The following AGAP1 variants were observed in gnomAD, a reference collection of about 807,000 sequenced individuals.
AGAP1 encodes arf-GAP with GTPase, ANK repeat and PH domain-containing protein 1.
Under a neutral mutation model 105.3 loss-of-function variants are expected in AGAP1, and 29 were observed. That is an observed-to-expected ratio of 0.28 (90% CI 0.21 to 0.38). AGAP1 has a LOEUF of 0.38. Among genes scored for constraint, AGAP1 ranks in the 10% least tolerant of loss-of-function variants. AGAP1 has a pLI of 1.00. For missense variants in AGAP1, 998 were observed against 1,165.1 expected (o/e 0.86, Z 2.09); for synonymous variants, 509 against 485.9 (o/e 1.05, Z -0.63).
At position 235,753,580 on chromosome 2, in the gene AGAP1, C is replaced by T. The variant is rs530047907; in HGVS notation, c.673+3092C>T. 6.6e-4 allele frequency among the ~76,000 whole-genome samples: 101 copies of T among 152,138 alleles called. No homozygotes were observed. Among genetic ancestry groups the T allele is most frequent in the African/African-American group, 2.3e-3 (97 of 41,520 alleles). ...AATTAGCCGGGCATGGTGGCAGGCA[C>T]CTGTAATCCCAGCTACTCAGGAAGC... On this transcript the variant is annotated intron_variant, in intron 6 of 17. Coordinates refer to ENST00000304032, the MANE Select transcript of AGAP1 (RefSeq NM_001037131.3). The surrounding 1 kb of genome is among the most constrained non-coding windows in gnomAD (Gnocchi z 4.5).
rs531131249 is a variant in AGAP1 at position 236,029,492 on chromosome 2, G to T, written c.1646-7069G>T. ...GTAGAGATGGGGTTTTGCCATGTTG[G>T]CCAGGCAGGTCTTGAACTCCTGACC... On this transcript the variant is annotated intron_variant, in intron 13 of 17. Coordinates refer to ENST00000304032, the MANE Select transcript of AGAP1 (RefSeq NM_001037131.3). Among the ~76,000 whole-genome samples, 518 of 150,956 alleles carry T rather than the reference G, an allele frequency of 3.4e-3. 10 individuals are homozygous for T. In the South Asian group the frequency reaches 0.048, roughly 14 times the overall value.
intron 16 of AGAP1, among the ~76,000 whole-genome samples, chr2:236,067,049 C>G (rs771735470): frequency 4.6e-5 from 7 of 151,772 alleles, no homozygotes; most frequent in Non-Finnish European, 7.4e-5. Flanking sequence ...ATCACTGAGA[C>G]CTAAGAGTTT....
At chr2:235,579,975 A>G (rs1391896862) in intron 1 of AGAP1, among the ~76,000 whole-genome samples, 1 of 152,030 alleles carries the variant, frequency 6.6e-6, no homozygotes, top group African/African-American at 2.4e-5. Flanking sequence ...CATTCTGGAC[A>G]TTTCATATAA....
intron 11 of AGAP1, among the ~76,000 whole-genome samples, chr2:235,923,881 GA>G (rs918681724): frequency 3.0e-4 from 45 of 151,532 alleles, no homozygotes; most frequent in South Asian, 1.7e-3. Context: ...CTTAAAGGAG[GA>G]AAAAAAAAGA....
chr2:236,084,224 G>A lies in AGAP1; in HGVS notation c.2114+34943G>A, dbSNP rs543170185. On this transcript the variant is annotated intron_variant, in intron 16 of 17. Coordinates refer to ENST00000304032, the MANE Select transcript of AGAP1 (RefSeq NM_001037131.3). The stretch of plus-strand genomic sequence containing the variant: ...CTTTAGTTGTGCCTTCCTGAAGGGC[G>A]GGGGGGGGTCTCTGCGGCCACCTTA... 5.1e-5 allele frequency among the ~76,000 whole-genome samples: 7 copies of A among 136,154 alleles called. No homozygotes were observed. In the East Asian group the frequency reaches 5.9e-4, roughly 11 times the overall value. 89.3% of individuals were successfully genotyped at this position (136,154 alleles called of 152,430 possible).
At chr2:235,766,621 G>C (rs1180593428) in intron 6 of AGAP1, among the ~76,000 whole-genome samples, 1 of 152,208 alleles carries the variant, frequency 6.6e-6, no homozygotes, top group East Asian at 1.9e-4. Context: ...CAATTAAAAA[G>C]ATGAAATGTT....
At chr2:235,501,742 T>C (rs1228910036) in intron 1 of AGAP1, among the ~76,000 whole-genome samples, 1 of 152,202 alleles carries the variant, frequency 6.6e-6, no homozygotes, top group Non-Finnish European at 1.5e-5. Context: ...TTTCGTCTTA[T>C]GTTTCTCTAC....
At chr2:235,765,382 A>G (rs1404205230) in intron 6 of AGAP1, among the ~76,000 whole-genome samples, 1 of 151,980 alleles carries the variant, frequency 6.6e-6, no homozygotes, top group Non-Finnish European at 1.5e-5. Flanking sequence ...CATGGGTGGT[A>G]GTCTCACGCT....
chr2:235,778,515 C>G (rs1956053482), intron 6 of AGAP1, among the ~76,000 whole-genome samples: 3 of 151,940 alleles, frequency 2.0e-5, no homozygotes, highest in South Asian at 2.1e-4. Context: ...GCCCCTCACT[C>G]ACTCGCTCCT....
At chr2:235,679,701 C>G (rs1180668812) in intron 1 of AGAP1, among the ~76,000 whole-genome samples, 1 of 152,218 alleles carries the variant, frequency 6.6e-6, no homozygotes, top group African/African-American at 2.4e-5. Context: ...CTTTCCTAAT[C>G]CCTGCTGTGC....
chr2:235,504,171 C>A (rs1353400239), intron 1 of AGAP1, among the ~76,000 whole-genome samples: 3 of 151,980 alleles, frequency 2.0e-5, no homozygotes, highest in Non-Finnish European at 4.4e-5. Context: ...TGACACATAA[C>A]AGAGAAAGGT....
In AGAP1 at chr2:235,864,526, C is replaced by T. The variant is rs549085431; in HGVS notation, c.1051-18819C>T. 5.3e-5 allele frequency among the ~76,000 whole-genome samples: 8 copies of T among 152,162 alleles called. No homozygotes were observed. The highest frequency in any genetic ancestry group is 3.9e-4 in the Admixed American group (6 of 15,282). On this transcript the variant is annotated intron_variant, in intron 9 of 17. Coordinates refer to ENST00000304032, the MANE Select transcript of AGAP1 (RefSeq NM_001037131.3). The surrounding 1 kb of genome is among the most constrained non-coding windows in gnomAD (Gnocchi z 5.0). ...GCGTTTCCGCTCCACTGCGCGGCCC[C>T]GGAGCCCCCAAACGCAGGTCAGCAT...
In AGAP1 at chr2:235,494,626, G is replaced by A; in HGVS notation, c.-61G>A. The A allele has an allele frequency of 8.5e-6, 8 of 936,844 alleles. No individual in the cohort carries two copies. The highest frequency in any genetic ancestry group is 1.0e-5 in the Non-Finnish European group (8 of 790,548). The allele number at this position is 936,844 out of a possible 1,614,324, so 58.0% of individuals were successfully genotyped here. A position where few individuals can be genotyped will look rare whatever the true frequency, so the allele number is the denominator to read the frequency against. Reference sequence around the variant, plus strand: ...GCGCCCCGGGCTCGGCGGCCCGCGGGCCCCGGGGCGCGGGGCGGCGGCGGC... The same window carrying A: ...GCGCCCCGGGCTCGGCGGCCCGCGGACCCCGGGGCGCGGGGCGGCGGCGGC... On this transcript the variant is annotated 5_prime_UTR_variant, in exon 1 of 18. Coordinates refer to ENST00000304032, the MANE Select transcript of AGAP1 (RefSeq NM_001037131.3).
intron 1 of AGAP1, among the ~76,000 whole-genome samples, chr2:235,502,059 T>G (rs960348707): frequency 1.3e-5 from 2 of 152,182 alleles, no homozygotes; most frequent in Non-Finnish European, 2.9e-5. Flanking sequence ...AGCTCTGTGC[T>G]TCTGAGGGGC....
In AGAP1 at chr2:235,930,267, A is replaced by G. The variant is rs1490607119; in HGVS notation, c.1325-498A>G. Among the ~76,000 whole-genome samples, 1 of 151,672 alleles carries G rather than the reference A, an allele frequency of 6.6e-6. No homozygotes were observed. Among genetic ancestry groups the G allele is most frequent in the Non-Finnish European group, 1.5e-5 (1 of 67,706 alleles). ...CATTTCCTCCGTGTCGTGTCTAGGG[A>G]CTTTGATTTGTGTTGATCATAAAGT... On this transcript the variant is annotated intron_variant, in intron 11 of 17. Transcript: ENST00000304032. The surrounding 1 kb of genome is among the most constrained non-coding windows in gnomAD (Gnocchi z 7.9).
chr2:235,859,723 A>G (rs975619337), intron 9 of AGAP1, among the ~76,000 whole-genome samples: 1 of 152,168 alleles, frequency 6.6e-6, no homozygotes, highest in African/African-American at 2.4e-5. Flanking sequence ...TGAAGGAAAA[A>G]ATCGAGCTTT....
Position 235,720,312 on chromosome 2 carries a change from G to A in AGAP1, c.310+2668G>A, listed in dbSNP as rs1360384686. On this transcript the variant is annotated intron_variant, in intron 3 of 17. Coordinates refer to ENST00000304032, the MANE Select transcript of AGAP1 (RefSeq NM_001037131.3). The surrounding 1 kb of genome is among the most constrained non-coding windows in gnomAD (Gnocchi z 5.0). ...AGAAGCTTTAGGTATAGAGTGTTGT[G>A]GGTTTGGGATATAATTTACTGTGTT... 6.6e-6 allele frequency among the ~76,000 whole-genome samples: 1 copy of A among 152,144 alleles called. No homozygotes were observed. Among genetic ancestry groups the A allele is most frequent in the African/African-American group, 2.4e-5 (1 of 41,432 alleles).
Position 235,751,861 on chromosome 2 carries a change from C to T in AGAP1, c.673+1373C>T, listed in dbSNP as rs183791168. On this transcript the variant is annotated intron_variant, in intron 6 of 17. Coordinates refer to ENST00000304032, the MANE Select transcript of AGAP1 (RefSeq NM_001037131.3). The surrounding 1 kb of genome is among the most constrained non-coding windows in gnomAD (Gnocchi z 5.3). ...GGTCCCCTGAGGATCAGCACAAAGT[C>T]GCTGGGGTCCCACAGCCCCTTCTTC... 8.2e-4 allele frequency among the ~76,000 whole-genome samples: 125 copies of T among 152,298 alleles called. 3 individuals carry two copies. In the East Asian group the frequency reaches 0.02, roughly 24 times the overall value.
At chr2:235,755,190 T>C (rs1953817701) in intron 6 of AGAP1, among the ~76,000 whole-genome samples, 1 of 152,194 alleles carries the variant, frequency 6.6e-6, no homozygotes, top group Non-Finnish European at 1.5e-5. Flanking sequence ...CCTAGATTGC[T>C]TCACAGCCAG....
Sources: allele counts gnomAD v4.1 joint callset (sites outside exome capture counted in the v4.1 genomes callset), GRCh38; gene constraint gnomAD v4.1.1; non-coding constraint Gnocchi (gnomAD v3.1); transcripts MANE v1.5; gene names NCBI Gene and HGNC (gene_info 2026-07-23, HGNC 2026-07-21).